NAA60: variants seen among roughly 807,000 people sequenced by gnomAD.
The protein encoded by NAA60 is N-alpha-acetyltransferase 60.
A neutral mutation model predicts 26.1 loss-of-function variants in NAA60; 8 were observed. The observed-to-expected ratio is 0.31, with a 90% CI of 0.18 to 0.55. The LOEUF (loss-of-function observed/expected upper bound fraction) is 0.55. Ranked by LOEUF, NAA60 falls within the 20% of genes least tolerant of loss-of-function variation. NAA60 has a pLI of 0.93. For missense variants in NAA60, 290 were observed against 311.3 expected, an observed-to-expected ratio of 0.93 and a Z score of 0.51; for synonymous variants, 131 against 122.5, an observed-to-expected ratio of 1.07 and a Z score of -0.46.
At chr16:3,448,294 C>T (rs9936437) in intron 1 of NAA60, among the ~76,000 whole-genome samples, 177 bp from the exon 2 acceptor site, 1 of 92,598 alleles carries the variant, frequency 1.1e-5, no homozygotes, top group Non-Finnish European at 2.0e-5. Context: ...AAAAAAAAAA[C>T]ATGGGTTGCT....
chr16:3,464,094 T>TG (rs767844515), intron 2 of NAA60, among the ~76,000 whole-genome samples: 3 of 152,166 alleles, frequency 2.0e-5, no homozygotes, highest in Non-Finnish European at 4.4e-5. Context: ...AGTGTAGTGA[T>TG]GAAGTCTCGG....
intron 2 of NAA60, among the ~76,000 whole-genome samples, chr16:3,470,174 A>G (rs2036036303): frequency 6.6e-6 from 1 of 152,170 alleles, no homozygotes; most frequent in Admixed American, 6.5e-5. Flanking sequence ...GTTTTGCATC[A>G]GAATTGGCCA....
chr16:3,462,011 C>T (rs2035430494), intron 2 of NAA60, among the ~76,000 whole-genome samples: 1 of 142,668 alleles, frequency 7.0e-6, no homozygotes, highest in South Asian at 2.2e-4. Flanking sequence ...GGCTTGAGCC[C>T]AGGAGGTGGA....
intron 2 of NAA60, among the ~76,000 whole-genome samples, chr16:3,463,133 A>T (rs1487399071): frequency 6.6e-6 from 1 of 152,162 alleles, no homozygotes; most frequent in African/African-American, 2.4e-5. Context: ...AGAGTTTCAG[A>T]GTCAGCGCTG....
At chr16:3,462,086 CAAAA>C (rs1228233879) in intron 2 of NAA60, among the ~76,000 whole-genome samples, 3 of 76,800 alleles carry the variant, frequency 3.9e-5, no homozygotes, top group African/African-American at 1.1e-4. Flanking sequence ...GACCTTATAT[CAAAA>C]AAAAAAAAAA....
chr16:3,484,927 C>A lies in NAA60; in HGVS notation c.*72C>A. The A allele has an allele frequency of 1.9e-6, 3 of 1,544,202 alleles. No homozygotes were observed. The highest frequency in any genetic ancestry group is 2.6e-6 in the Non-Finnish European group (3 of 1,146,294). ...AGAGCCCGCCTTCCTGTCCATCTGACCCCTTCTGTTTTCTGCAAGGAGCTG... is the reference window on the plus strand; with the variant it reads ...AGAGCCCGCCTTCCTGTCCATCTGAACCCTTCTGTTTTCTGCAAGGAGCTG... On this transcript the variant is annotated 3_prime_UTR_variant, in exon 7 of 8. Coordinates refer to ENST00000407558, the MANE Select transcript of NAA60 (RefSeq NM_001083601.3).
chr16:3,483,662 G>A, intron 6 of NAA60, 65 bp downstream of exon 6: 2 of 1,260,418 alleles, frequency 1.6e-6, no homozygotes, highest in South Asian at 1.2e-5. Context: ...GAGCCAGTGA[G>A]CAAGTTGGAG....
intron 2 of NAA60, among the ~76,000 whole-genome samples, chr16:3,456,277 G>C (rs578204307): frequency 6.6e-6 from 1 of 152,186 alleles, no homozygotes; most frequent in African/African-American, 2.4e-5. Context: ...CTGAGGTTCT[G>C]CATTTTTAGC....
chr16:3,446,576 T>C (rs2034565167), intron 1 of NAA60, among the ~76,000 whole-genome samples: 1 of 149,094 alleles, frequency 6.7e-6, no homozygotes, highest in Non-Finnish European at 1.5e-5. Flanking sequence ...TGGCAACACA[T>C]TCCTGTCACC....
At chr16:3,461,650 T>C (rs1052125083) in intron 2 of NAA60, among the ~76,000 whole-genome samples, 17 of 152,204 alleles carry the variant, frequency 1.1e-4, no homozygotes, top group African/African-American at 3.9e-4. Context: ...TTTTGTGCTT[T>C]GAAGCCAGAA....
chr16:3,484,644 G>C, intron 6 of NAA60, 55 bp from the exon 7 acceptor site: 3 of 1,548,512 alleles, frequency 1.9e-6, no homozygotes, highest in Non-Finnish European at 2.6e-6. Flanking sequence ...CCTGATGACT[G>C]TGCCCTGGCG....
intron 4 of NAA60, among the ~76,000 whole-genome samples, chr16:3,480,148 A>C (rs1478077131): frequency 6.6e-6 from 1 of 152,196 alleles, no homozygotes; most frequent in Non-Finnish European, 1.5e-5. Flanking sequence ...ATATTGTTCC[A>C]AATGGTTGAG....
At chr16:3,455,619 TC>T (rs1202951879) in intron 2 of NAA60, among the ~76,000 whole-genome samples, 1 of 151,888 alleles carries the variant, frequency 6.6e-6, no homozygotes, top group Non-Finnish European at 1.5e-5. Context: ...ATGCTCTTGA[TC>T]TCCTGACCTC....
At chr16:3,483,892 G>A (rs1403181813) in intron 6 of NAA60, 4 of 412,552 alleles carry the variant, frequency 9.7e-6, no homozygotes, top group African/African-American at 2.1e-5. Context: ...GCACCCAGCT[G>A]GAGAGCCTCC....
chr16:3,454,511 A>G (rs1395960817), intron 2 of NAA60, among the ~76,000 whole-genome samples: 1 of 152,224 alleles, frequency 6.6e-6, no homozygotes, highest in African/African-American at 2.4e-5. Context: ...GCAAAACTTT[A>G]TGGAACCAAA....
chr16:3,479,838 C>T (rs568040272), intron 4 of NAA60, among the ~76,000 whole-genome samples: 9 of 152,240 alleles, frequency 5.9e-5, no homozygotes, highest in Non-Finnish European at 7.4e-5. Flanking sequence ...TAACCACTGT[C>T]GTTCTGAAGC....
In NAA60 at chr16:3,485,460, C is replaced by A. The variant is rs1295590868; in HGVS notation, c.*207-7C>A. The A allele has an allele frequency of 2.2e-6, 1 of 457,358 alleles. No homozygotes were observed. The highest frequency in any genetic ancestry group is 3.2e-4 in the Middle Eastern group (1 of 3,102). The allele number at this position is 457,358 out of a possible 1,614,324, so 28.3% of individuals were successfully genotyped here. ...TTCACCCTGCCCTGCTCTTCTCTTT[C>A]CCACAGGCTCTTCAGCTCCCCTCCC... On this transcript the variant is annotated splice_region_variant and splice_polypyrimidine_tract_variant and intron_variant, in intron 7 of 7. Transcript: ENST00000407558.
chr16:3,484,803 C>G lies in NAA60; in HGVS notation c.677C>G (p.Pro226Arg), dbSNP rs1164271970. The G allele has an allele frequency of 6.3e-7, 1 of 1,576,702 alleles. No individual in the cohort carries two copies. The highest frequency in any genetic ancestry group is 2.4e-5 in the East Asian group (1 of 42,420). ...CACAGCCTGCTCTGCAGCTTCCTGC[C>G]ATGGTCGGGCATCTCTTCCAAGAGT... ...QAHSLLCSFL[P>R]WSGISSKSGI... The change falls in exon 7 of 8, where the codon CCA becomes CGA. Residue 226 changes from proline (P) to arginine (R), a missense_variant. Pro to Arg is a moderately radical substitution (Grantham distance 103). Coordinates refer to ENST00000407558, the MANE Select transcript of NAA60 (RefSeq NM_001083601.3).
intron 2 of NAA60, among the ~76,000 whole-genome samples, chr16:3,449,475 A>G (rs2034686350): frequency 6.6e-6 from 1 of 152,076 alleles, no homozygotes; most frequent in Non-Finnish European, 1.5e-5. Flanking sequence ...CCGAGATCAC[A>G]CCACTGTACT....
Sources: allele counts gnomAD v4.1 joint callset (sites outside exome capture counted in the v4.1 genomes callset), GRCh38; gene constraint gnomAD v4.1.1; transcripts MANE v1.5; gene names NCBI Gene and HGNC (gene_info 2026-07-23, HGNC 2026-07-21).